The following CIMAP2 variants were observed in gnomAD, a reference collection of about 807,000 sequenced individuals.
CIMAP2 encodes the protein ciliary microtubule-associated protein 2.
chr1:54,814,794 G>C, the CIMAP2 span: 1 of 1,442,580 alleles, frequency 6.9e-7, no homozygotes, highest in Non-Finnish European at 9.5e-7. Context: ...ACCGTCCTTG[G>C]CTCAAGACCC....
chr1:54,811,765 G>GGGGGGGGGGGGGGGGGCCCCCCCC, the CIMAP2 span: 1 of 1,301,332 alleles, frequency 7.7e-7, no homozygotes, highest in Non-Finnish European at 1.1e-6. Context: ...GGTTCTGACA[G>GGGGGGGGGGGGGGGGGCCCCCCCC]CCTCCATGCC....
chr1:54,823,437 C>T, the CIMAP2 span, among the ~76,000 whole-genome samples: 2 of 151,604 alleles, frequency 1.3e-5, no homozygotes. Context: ...TATTTTTTTC[C>T]ATCCCTCCAC....
At chr1:54,837,265 G>C in the CIMAP2 span, among the ~76,000 whole-genome samples, 1 of 152,172 alleles carries the variant, frequency 6.6e-6, no homozygotes, top group South Asian at 2.1e-4. Flanking sequence ...ACTCCACTCT[G>C]TGTTGTCTGC....
chr1:54,815,422 C>T, the CIMAP2 span, among the ~76,000 whole-genome samples: 1 of 151,060 alleles, frequency 6.6e-6, no homozygotes, highest in East Asian at 1.9e-4. Context: ...CGCAGCCATG[C>T]CATTCTCTTA....
At chr1:54,811,776 C>CGGGGGGGGGG in the CIMAP2 span, 1 of 491,896 alleles carries the variant, frequency 2.0e-6, no homozygotes, top group Non-Finnish European at 3.9e-6. Flanking sequence ...CCTCCATGCC[C>CGGGGGGGGGG]CCACCCCCGC....
the CIMAP2 span, chr1:54,807,882 G>A: frequency 4.5e-6 from 7 of 1,568,380 alleles, no homozygotes; most frequent in Non-Finnish European, 6.0e-6. Flanking sequence ...CTCTTCTCTT[G>A]GCACAGGAGC....
At chr1:54,807,440 G>A in the CIMAP2 span, 31 of 1,413,076 alleles carry the variant, frequency 2.2e-5, no homozygotes, top group Non-Finnish European at 2.9e-5. Flanking sequence ...CTTCCTCCGG[G>A]TCAGGGTGGT....
chr1:54,807,408 C>A, the CIMAP2 span: 1 of 1,286,038 alleles, frequency 7.8e-7, no homozygotes, highest in Non-Finnish European at 1.0e-6. Context: ...AGGGTGGGAG[C>A]CACAGGGGGA....
chr1:54,807,016 AT>A, the CIMAP2 span: 44 of 1,613,898 alleles, frequency 2.7e-5, no homozygotes, highest in Non-Finnish European at 3.6e-5. Flanking sequence ...TCTGCTGTTT[AT>A]CCCAACTGGA....
chr1:54,828,650 CT>C, the CIMAP2 span, among the ~76,000 whole-genome samples: 23 of 149,722 alleles, frequency 1.5e-4, no homozygotes, highest in Middle Eastern at 3.5e-3. Context: ...TCTTTTCTTT[CT>C]TTTTTTTTTA....
At chr1:54,806,097 G>A in the CIMAP2 span, 41 of 1,506,968 alleles carry the variant, frequency 2.7e-5, no homozygotes, top group Non-Finnish European at 3.5e-5. Context: ...CAGCGGAGGC[G>A]GGCAGCGCGC....
the CIMAP2 span, among the ~76,000 whole-genome samples, chr1:54,838,774 T>C: frequency 6.6e-6 from 1 of 152,070 alleles, no homozygotes; most frequent in Non-Finnish European, 1.5e-5. Flanking sequence ...CCTTCAGTGG[T>C]GTAGCCCAGG....
At chr1:54,819,380 T>A in the CIMAP2 span, among the ~76,000 whole-genome samples, 1 of 151,638 alleles carries the variant, frequency 6.6e-6, no homozygotes, top group Non-Finnish European at 1.5e-5. Context: ...CAGCAGGAGG[T>A]CATGTCTAGA....
At chr1:54,819,935 T>TTTTC in the CIMAP2 span, among the ~76,000 whole-genome samples, 21,097 of 121,306 alleles carry the variant, frequency 0.17, 2,725 homozygotes, top group African/African-American at 0.31. Context: ...CCCATATTTC[T>TTTTC]TTTCTTTCTG....
At chr1:54,822,929 G>C in the CIMAP2 span, among the ~76,000 whole-genome samples, 1 of 152,170 alleles carries the variant, frequency 6.6e-6, no homozygotes, top group African/African-American at 2.4e-5. Context: ...ATTGTGGTCT[G>C]AGGAGATACT....
chr1:54,811,765 G>GCGGGGGGGGGGCGGGCCCCCCCCCC, the CIMAP2 span: 1 of 1,301,332 alleles, frequency 7.7e-7, no homozygotes, highest in Non-Finnish European at 1.1e-6. Flanking sequence ...GGTTCTGACA[G>GCGGGGGGGGGGCGGGCCCCCCCCCC]CCTCCATGCC....
chr1:54,822,234 C>T, the CIMAP2 span, among the ~76,000 whole-genome samples: 1 of 152,154 alleles, frequency 6.6e-6, no homozygotes, highest in Non-Finnish European at 1.5e-5. Flanking sequence ...CTGGCTAGGA[C>T]TTCCAGTACT....
At chr1:54,820,196 CTTCTT>C in the CIMAP2 span, among the ~76,000 whole-genome samples, 1 of 148,392 alleles carries the variant, frequency 6.7e-6, no homozygotes, top group Admixed American at 6.9e-5. Flanking sequence ...CTTTCTCTCT[CTTCTT>C]TTCTTTTCCT....
chr1:54,817,970 A>G, the CIMAP2 span, among the ~76,000 whole-genome samples: 32 of 152,302 alleles, frequency 2.1e-4, no homozygotes, highest in African/African-American at 7.7e-4. Flanking sequence ...CTTTCTGCAC[A>G]TCTGATCAAT....
Sources: gnomAD v4.1 joint callset for allele counts (sites outside exome capture counted in the v4.1 genomes callset) on GRCh38, gnomAD v4.1.1 for gene constraint, MANE v1.5 for transcripts, NCBI Gene and HGNC (gene_info 2026-07-23, HGNC 2026-07-21) for gene names.